The following OR1D2 variants were observed in gnomAD, a reference collection of about 807,000 sequenced individuals.
OR1D2 encodes the protein olfactory receptor 1D2.
For missense variants in OR1D2, 357 were observed against 376.1 expected, an observed-to-expected ratio of 0.95 and a Z score of 0.42; for synonymous variants, 157 against 153.9, an observed-to-expected ratio of 1.02 and a Z score of -0.15.
chr17:3,097,485 G>A (rs2047852007), intron 1 of OR1D2, among the ~76,000 whole-genome samples: 1 of 152,104 alleles, frequency 6.6e-6, no homozygotes. Flanking sequence ...GAGGTGGTGA[G>A]TGAGCATGCT....
Position 3,104,235 on chromosome 17 carries a change from C to A in OR1D2, c.-187G>T, listed in dbSNP as rs976782652. The A allele has an allele frequency of 2.6e-5, 4 of 152,092 alleles. No homozygotes were observed. The highest frequency in any genetic ancestry group is 9.7e-5 in the African/African-American group (4 of 41,412). The allele number at this position is 152,092 out of a possible 1,614,324, so 9.4% of individuals were successfully genotyped here. A position where few individuals can be genotyped will look rare whatever the true frequency, so the allele number is the denominator to read the frequency against. On this transcript the variant is annotated 5_prime_UTR_variant, in exon 1 of 2. Transcript: ENST00000641833. Reference sequence around the variant, plus strand: ...TTCTGAATAGGTCTTGGAGACTCATCCTATTGGCTAAAGGTACAGAGCAGA... The same window carrying A: ...TTCTGAATAGGTCTTGGAGACTCATACTATTGGCTAAAGGTACAGAGCAGA...
intron 1 of OR1D2, among the ~76,000 whole-genome samples, chr17:3,095,302 T>C (rs1198083822): frequency 6.6e-6 from 1 of 152,020 alleles, no homozygotes. Context: ...CCTAATAATA[T>C]GAACAACAGA....
rs372345309 is a variant in OR1D2, at chr17:3,100,074, A to G, written c.-51+4025T>C. Among the ~76,000 whole-genome samples the G allele has an allele frequency of 1.1e-4, 17 of 152,250 alleles. No individual in the cohort carries two copies. The South Asian group carries it at 3.5e-3, about 32-fold the overall frequency. ...AAAGACTCATAGACTTTATGTGTCTATGCGTCTTTAAAGTGGGAGACTTTA... is the reference window on the plus strand; with the variant it reads ...AAAGACTCATAGACTTTATGTGTCTGTGCGTCTTTAAAGTGGGAGACTTTA... On this transcript the variant is annotated intron_variant, in intron 1 of 1. Coordinates refer to ENST00000641833, the MANE Select transcript of OR1D2 (RefSeq NM_002548.3).
chr17:3,091,977 G>A lies in OR1D2; in HGVS notation c.*81C>T. 3 of 1,054,962 alleles carry A rather than the reference G, an allele frequency of 2.8e-6. No homozygotes were observed. Among genetic ancestry groups the A allele is most frequent in the Non-Finnish European group, 4.2e-6 (3 of 709,136 alleles). 65.4% of individuals were successfully genotyped at this position (1,054,962 alleles called of 1,614,324 possible). ...CTGGAGCCATGTCCCAATCACTGCT[G>A]TATAACACACAGGACAATCCCTTAC... On this transcript the variant is annotated 3_prime_UTR_variant, in exon 2 of 2. Transcript: ENST00000641833.
At position 3,092,150 on chromosome 17, in the gene OR1D2, T is replaced by G. The variant is rs756894531; in HGVS notation, c.847A>C (p.Met283Leu). The G allele has an allele frequency of 4.0e-5, 65 of 1,614,064 alleles. No homozygotes were observed. The highest frequency in any genetic ancestry group is 4.6e-5 in the Non-Finnish European group (54 of 1,180,004). ...AGGCTGTAGATGAAGGGATTCATCA[T>G]GGGTGTCACCACAGCATACATCACT... Reference protein sequence around the residue: ...ATVMYAVVTPMMNPFIYSLRN... With the variant: ...ATVMYAVVTPLMNPFIYSLRN... Residue 283 changes from methionine (M) to leucine (L), a missense_variant, in exon 2 of 2, where the codon ATG becomes CTG. Transcript: ENST00000641833.
chr17:3,102,414 T>G (rs1180516789), intron 1 of OR1D2, among the ~76,000 whole-genome samples: 1 of 152,178 alleles, frequency 6.6e-6, no homozygotes, highest in East Asian at 1.9e-4. Flanking sequence ...CGTAACAAAT[T>G]CAAGCATTTT....
chr17:3,103,516 C>G (rs933604362), intron 1 of OR1D2, among the ~76,000 whole-genome samples: 1 of 152,204 alleles, frequency 6.6e-6, no homozygotes, highest in Non-Finnish European at 1.5e-5. Flanking sequence ...TTCTGACTCT[C>G]TCTCTTGAAG....
intron 1 of OR1D2, among the ~76,000 whole-genome samples, chr17:3,097,399 A>C (rs1290501235): frequency 1.3e-5 from 2 of 152,224 alleles, no homozygotes; most frequent in African/African-American, 2.4e-5. Context: ...AAAAGAGTCA[A>C]ATTAGTGCTG....
At position 3,092,847 on chromosome 17, in the gene OR1D2, G is replaced by A. The variant is rs749001016; in HGVS notation, c.150C>T (p.Ser50=). ...VGNVLIILAI[S]SDSRLHTPVY... ...CGGGGGTGTGCAGGCGGGAATCAGA[G>A]CTGATGGCCAGGATGATGAGCACAT... Residue 50 remains serine, a synonymous_variant, in exon 2 of 2, where the codon AGC becomes AGT. Coordinates refer to ENST00000641833, the MANE Select transcript of OR1D2 (RefSeq NM_002548.3). 1.2e-6 allele frequency: 2 copies of A among 1,614,104 alleles called. No homozygotes were observed. The highest frequency in any genetic ancestry group is 1.7e-6 in the Non-Finnish European group (2 of 1,180,030).
chr17:3,089,315 G>T lies in OR1D2; in HGVS notation c.*2743C>A, dbSNP rs992083984. The T allele has an allele frequency of 6.6e-6, 1 of 152,260 alleles. No homozygotes were observed. Among genetic ancestry groups the T allele is most frequent in the Non-Finnish European group, 1.5e-5 (1 of 68,092 alleles). 9.4% of individuals were successfully genotyped at this position (152,260 alleles called of 1,614,324 possible). Reference sequence around the variant, plus strand: ...GCTGGTACTGGGGGGTGTCTGTGAAGAGTCCTGTGATGTGATCTGTCTTCA... The same window carrying T: ...GCTGGTACTGGGGGGTGTCTGTGAATAGTCCTGTGATGTGATCTGTCTTCA... On this transcript the variant is annotated 3_prime_UTR_variant, in exon 2 of 2. Transcript: ENST00000641833.
Position 3,097,938 on chromosome 17 carries a change from C to T in OR1D2, c.-50-4892G>A, listed in dbSNP as rs1447373800. Among the ~76,000 whole-genome samples, 6 of 152,164 alleles carry T rather than the reference C, an allele frequency of 3.9e-5. No homozygotes were observed. In the South Asian group the frequency reaches 6.2e-4, roughly 16 times the overall value. The stretch of plus-strand genomic sequence containing the variant: ...GCCAAAGCACCTCTTCAGGCCTGAC[C>T]CTGACCCACTCTTCCTCACTGGGTG... On this transcript the variant is annotated intron_variant, in intron 1 of 1. Coordinates refer to ENST00000641833, the MANE Select transcript of OR1D2 (RefSeq NM_002548.3).
rs2047814496 is a variant in OR1D2 at position 3,092,225 on chromosome 17, C to T, written c.772G>A (p.Val258Ile). Reference sequence around the variant, plus strand: ...TAGGTATGGAGGGGCTTTAGGTATACCATACAAAGTGTCCCATAGAAGAGG... The same window carrying T: ...TAGGTATGGAGGGGCTTTAGGTATATCATACAAAGTGTCCCATAGAAGAGG... ...VSLFYGTLCM[V>I]YLKPLHTYSV... The change falls in exon 2 of 2, where the codon GTA (valine) becomes ATA (isoleucine). Residue 258 changes from valine to isoleucine, a missense_variant. Coordinates refer to ENST00000641833, the MANE Select transcript of OR1D2 (RefSeq NM_002548.3). 7 of 1,613,938 alleles carry T rather than the reference C, an allele frequency of 4.3e-6. No homozygotes were observed. The highest frequency in any genetic ancestry group is 5.1e-6 in the Non-Finnish European group (6 of 1,179,944).
In OR1D2 at chr17:3,095,211, T is replaced by C. The variant is rs139611547; in HGVS notation, c.-50-2165A>G. Among the ~76,000 whole-genome samples the C allele has an allele frequency of 3.6e-3, 541 of 152,100 alleles. 2 individuals are homozygous for C. Among genetic ancestry groups the C allele is most frequent in the African/African-American group, 0.012 (500 of 41,530 alleles). On this transcript the variant is annotated intron_variant, in intron 1 of 1. Coordinates refer to ENST00000641833, the MANE Select transcript of OR1D2 (RefSeq NM_002548.3). ...AAGAGATTCACAAATAGACACATCATAGTAAAAAGGCTGAAAGGCAGAGAC... is the reference window on the plus strand; with the variant it reads ...AAGAGATTCACAAATAGACACATCACAGTAAAAAGGCTGAAAGGCAGAGAC...
At position 3,092,219 on chromosome 17, in the gene OR1D2, G is replaced by C. The variant is rs2047814387; in HGVS notation, c.778C>G (p.Leu260Val). 1.2e-6 allele frequency: 2 copies of C among 1,614,156 alleles called. No individual in the cohort carries two copies. The highest frequency in any genetic ancestry group is 1.7e-6 in the Non-Finnish European group (2 of 1,180,036). ...ACAGAGTAGGTATGGAGGGGCTTTAGGTATACCATACAAAGTGTCCCATAG... is the reference window on the plus strand; with the variant it reads ...ACAGAGTAGGTATGGAGGGGCTTTACGTATACCATACAAAGTGTCCCATAG... ...LFYGTLCMVY[L>V]KPLHTYSVKD... is the part of the protein sequence containing the mutation. The change falls in exon 2 of 2, where the codon CTA becomes GTA. Residue 260 changes from leucine (L) to valine (V), a missense_variant. Transcript: ENST00000641833.
chr17:3,103,252 C>CT (rs981924590), intron 1 of OR1D2, among the ~76,000 whole-genome samples: 23 of 151,396 alleles, frequency 1.5e-4, no homozygotes, highest in African/African-American at 2.9e-4. Context: ...CTTTTCCTTT[C>CT]TTTTTTTTTG....
At chr17:3,096,879 T>C (rs1360492256) in intron 1 of OR1D2, among the ~76,000 whole-genome samples, 1 of 152,206 alleles carries the variant, frequency 6.6e-6, no homozygotes, top group Admixed American at 6.5e-5. Flanking sequence ...CAGATGTCTA[T>C]GTAACGCTCT....
rs1021398376 is a variant in OR1D2 at position 3,103,568 on chromosome 17, T to C, written c.-51+531A>G. Among the ~76,000 whole-genome samples, 2 of 152,204 alleles carry C rather than the reference T, an allele frequency of 1.3e-5. 1 individual carries two copies. Among genetic ancestry groups the C allele is most frequent in the Non-Finnish European group, 2.9e-5 (2 of 68,034 alleles). ...GAAGTCCTGTTTCTGAGAACCAAGT[T>C]CTTTTTAGCAAGCATGCAGTAGTTC... On this transcript the variant is annotated intron_variant, in intron 1 of 1. Transcript: ENST00000641833.
At chr17:3,097,418 T>C (rs760475170) in intron 1 of OR1D2, among the ~76,000 whole-genome samples, 2 of 152,172 alleles carry the variant, frequency 1.3e-5, no homozygotes, top group South Asian at 4.1e-4. Context: ...TGTTTGCCAA[T>C]GGTATGATCG....
chr17:3,098,851 G>C (rs1413896233), intron 1 of OR1D2, among the ~76,000 whole-genome samples: 3 of 152,150 alleles, frequency 2.0e-5, no homozygotes, highest in Non-Finnish European at 4.4e-5. Context: ...TGATGGAGCT[G>C]AAAAACATAG....
Sources: gnomAD v4.1 joint callset for allele counts (sites outside exome capture counted in the v4.1 genomes callset) on GRCh38, gnomAD v4.1.1 for gene constraint, MANE v1.5 for transcripts, NCBI Gene and HGNC (gene_info 2026-07-23, HGNC 2026-07-21) for gene names.